The following JHY variants were observed in gnomAD, a reference collection of about 807,000 sequenced individuals.
The protein encoded by JHY is jhy protein homolog.
In JHY, 69 loss-of-function variants were observed where a neutral mutation model predicts 78.0. That is an observed-to-expected ratio of 0.88 (90% CI 0.73 to 1.08). The LOEUF (loss-of-function observed/expected upper bound fraction) is 1.08. Ranked by LOEUF, JHY falls within the 50% of genes least tolerant of loss-of-function variation. The pLI, the probability that JHY is intolerant of heterozygous loss-of-function variation, is 0.00. For synonymous variants in JHY, 368 were observed against 342.6 expected, an observed-to-expected ratio of 1.07 and a Z score of -0.82; for missense variants, 944 against 927.8, an observed-to-expected ratio of 1.02 and a Z score of -0.23.
rs558913352 is a variant in JHY, at chr11:122,892,765, G to C, written c.344+6572G>C. Among the ~76,000 whole-genome samples the C allele has an allele frequency of 2.0e-5, 3 of 152,256 alleles. No homozygotes were observed. In the East Asian group the frequency reaches 5.8e-4, roughly 29 times the overall value. ...AGAGTGACATTGGATAACCAAAAGA[G>C]ACCACAGGTAGAGAAAGACTTAGGG... On this transcript the variant is annotated intron_variant, in intron 2 of 8. Coordinates refer to ENST00000227349, the MANE Select transcript of JHY (RefSeq NM_024806.4).
At chr11:122,953,037 G>T (rs908681182) in intron 6 of JHY, among the ~76,000 whole-genome samples, 28 of 152,246 alleles carry the variant, frequency 1.8e-4, no homozygotes, top group African/African-American at 6.5e-4. Context: ...CAATCTTGTG[G>T]CTCCATTGTT....
chr11:122,923,504 G>A (rs992544832), intron 3 of JHY, among the ~76,000 whole-genome samples: 1 of 152,144 alleles, frequency 6.6e-6, no homozygotes, highest in Non-Finnish European at 1.5e-5. Context: ...ATAACTTTAA[G>A]TTTGCTTCCT....
rs1863700132 is a variant in JHY at position 122,934,341 on chromosome 11, TAAATAAATAAATAA to T, written c.979-78_979-65del. 2.8e-5 allele frequency: 19 copies of T among 682,820 alleles called. 1 individual carries two copies. Among genetic ancestry groups the T allele is most frequent in the South Asian group, 1.5e-4 (2 of 13,680 alleles). 42.3% of individuals were successfully genotyped at this position (682,820 alleles called of 1,614,324 possible). On this transcript the variant is annotated intron_variant, in intron 4 of 8. Coordinates refer to ENST00000227349, the MANE Select transcript of JHY (RefSeq NM_024806.4). The stretch of plus-strand genomic sequence containing the variant: ...ATAAATAAATAAATAAATAAATAAA[TAAATAAATAAATAA>T]TAAAATAAAATTTGTGAAGAGTGCC...
chr11:122,918,110 AGGCTGGTCTCG>A (rs1330170401), intron 3 of JHY, among the ~76,000 whole-genome samples: 2 of 151,476 alleles, frequency 1.3e-5, no homozygotes, highest in Admixed American at 6.6e-5. Context: ...CATATTGGCC[AGGCTGGTCTCG>A]AACTCCTGGT....
chr11:122,953,014 T>G (rs1305529598), intron 6 of JHY, among the ~76,000 whole-genome samples: 1 of 152,188 alleles, frequency 6.6e-6, no homozygotes, highest in Non-Finnish European at 1.5e-5. Flanking sequence ...AATCAAGGTT[T>G]GGACAAAAAG....
intron 2 of JHY, among the ~76,000 whole-genome samples, chr11:122,901,091 A>G (rs1363405837): frequency 6.6e-6 from 1 of 152,222 alleles, no homozygotes; most frequent in African/African-American, 2.4e-5. Context: ...ACAAACCTAG[A>G]TAGTACAGCC....
intron 2 of JHY, among the ~76,000 whole-genome samples, chr11:122,900,134 C>T (rs2135299597): frequency 6.6e-6 from 1 of 152,336 alleles, no homozygotes. Flanking sequence ...GAGCATCTCT[C>T]TTCTCTTGTT....
chr11:122,939,212 T>C (rs571244488), intron 5 of JHY, among the ~76,000 whole-genome samples: 4 of 152,234 alleles, frequency 2.6e-5, no homozygotes, highest in South Asian at 2.1e-4. Flanking sequence ...GGTCTCGATC[T>C]CCTGACCCCG....
chr11:122,911,573 C>A (rs1157808518), intron 3 of JHY, among the ~76,000 whole-genome samples: 1 of 152,146 alleles, frequency 6.6e-6, no homozygotes, highest in Non-Finnish European at 1.5e-5. Context: ...ATTTCAGATA[C>A]TGATAATACC....
At chr11:122,888,973 C>T (rs186807705) in intron 2 of JHY, among the ~76,000 whole-genome samples, 187 of 152,212 alleles carry the variant, frequency 1.2e-3, no homozygotes, top group African/African-American at 4.2e-3. Flanking sequence ...TGCATGTCCT[C>T]GTGTGCCTCC....
At chr11:122,886,778 T>C (rs1044822198) in intron 2 of JHY, among the ~76,000 whole-genome samples, 3 of 152,128 alleles carry the variant, frequency 2.0e-5, no homozygotes, top group Admixed American at 2.0e-4. Flanking sequence ...TCACTTTTTC[T>C]CGTCTGTCAA....
At chr11:122,942,771 C>T (rs981670295) in intron 5 of JHY, among the ~76,000 whole-genome samples, 7 of 152,158 alleles carry the variant, frequency 4.6e-5, no homozygotes, top group Non-Finnish European at 7.4e-5. Context: ...AAGGCTTTCT[C>T]CTTTTCCAAT....
chr11:122,945,508 G>T (rs1219723722), intron 5 of JHY, among the ~76,000 whole-genome samples: 1 of 152,154 alleles, frequency 6.6e-6, no homozygotes, highest in Non-Finnish European at 1.5e-5. Flanking sequence ...GTATGTGTGT[G>T]TATGTGTGTC....
intron 3 of JHY, among the ~76,000 whole-genome samples, chr11:122,906,863 A>G (rs1863005081): frequency 6.6e-6 from 1 of 152,166 alleles, no homozygotes; most frequent in Non-Finnish European, 1.5e-5. Flanking sequence ...GGGGCCATTG[A>G]CTTTTCCCAC....
At chr11:122,908,582 G>A (rs1863042834) in intron 3 of JHY, among the ~76,000 whole-genome samples, 1 of 152,194 alleles carries the variant, frequency 6.6e-6, no homozygotes, top group African/African-American at 2.4e-5. Context: ...AGTCAGAGTT[G>A]AATAAGTCAT....
chr11:122,924,103 A>G (rs1037102149), intron 3 of JHY, among the ~76,000 whole-genome samples: 1 of 152,036 alleles, frequency 6.6e-6, no homozygotes, highest in Non-Finnish European at 1.5e-5. Flanking sequence ...GGCCACCCCC[A>G]GAGCTTATGA....
Position 122,957,409 on chromosome 11 carries a change from A to T in JHY, c.2057A>T (p.Glu686Val). 1 of 1,535,586 alleles carries T rather than the reference A, an allele frequency of 6.5e-7. No individual in the cohort carries two copies. Among genetic ancestry groups the T allele is most frequent in the Non-Finnish European group, 8.7e-7 (1 of 1,153,680 alleles). Reference sequence around the variant, plus strand: ...AAGGAATATGCAAAACAAGTCAAGGAGTACAACATGAAGACACTATCCATT... The same window carrying T: ...AAGGAATATGCAAAACAAGTCAAGGTGTACAACATGAAGACACTATCCATT... ...QQKEYAKQVK[E>V]YNMKTLSILS... The change falls in exon 8 of 9, where the codon GAG becomes GTG. Residue 686 changes from glutamate (E) to valine (V), a missense_variant. Glu to Val is a moderately radical substitution (Grantham distance 121, BLOSUM62 -2). Coordinates refer to ENST00000227349, the MANE Select transcript of JHY (RefSeq NM_024806.4).
intron 2 of JHY, among the ~76,000 whole-genome samples, chr11:122,890,049 A>G (rs1165696513): frequency 9.5e-6 from 1 of 105,358 alleles, no homozygotes; most frequent in East Asian, 2.0e-4. Flanking sequence ...TCCCGGCCCC[A>G]GTTTCTTGTT....
chr11:122,901,717 C>CA (rs1351345259), intron 2 of JHY, among the ~76,000 whole-genome samples: 2 of 151,290 alleles, frequency 1.3e-5, no homozygotes, highest in South Asian at 2.1e-4. Flanking sequence ...ACTAAAAATA[C>CA]AAAAAATTAG....
Sources: gnomAD v4.1 joint callset for allele counts (sites outside exome capture counted in the v4.1 genomes callset) on GRCh38, gnomAD v4.1.1 for gene constraint, MANE v1.5 for transcripts, NCBI Gene and HGNC (gene_info 2026-07-23, HGNC 2026-07-21) for gene names.